NEBL: variants seen among roughly 807,000 people sequenced by gnomAD.
NEBL encodes LIM and SH3 protein 2.
NEBL carries 122 observed loss-of-function variants against 140.2 expected under a neutral mutation model. The ratio of observed to expected loss-of-function variants is 0.87; its 90% CI spans 0.75 to 1.01. NEBL has a LOEUF of 1.01. NEBL is among the 50% of genes least tolerant of loss of function. The pLI is 0.00. For synonymous variants in NEBL, 436 were observed against 398.9 expected, an observed-to-expected ratio of 1.09 and a Z score of -1.11; for missense variants, 1,365 against 1,231.3, an observed-to-expected ratio of 1.11 and a Z score of -1.62.
At position 20,850,452 on chromosome 10, in the gene NEBL, T is replaced by C; in HGVS notation, c.1059A>G (p.Glu353=). Residue 353 remains glutamate, a synonymous_variant, in exon 11 of 28, where the codon GAA becomes GAG. Coordinates refer to ENST00000377122, the MANE Select transcript of NEBL (RefSeq NM_006393.3). The stretch of plus-strand genomic sequence containing the variant: ...CTTGATATGATGGTGTCTCAACAAA[T>C]TCAAGCATTGGCTTTCCCTTATTTT... ...YEKNKGKPML[E]FVETPSYQAS... The C allele has an allele frequency of 6.2e-7, 1 of 1,612,622 alleles. No homozygotes were observed. Among genetic ancestry groups the C allele is most frequent in the Non-Finnish European group, 8.5e-7 (1 of 1,178,688 alleles).
At chr10:20,984,947 T>C (rs1837197782) in intron 3 of NEBL, among the ~76,000 whole-genome samples, 1 of 152,164 alleles carries the variant, frequency 6.6e-6, no homozygotes, top group Admixed American at 6.5e-5. Context: ...GTGTGAAGAA[T>C]CTAGGTTGCT....
intron 1 of NEBL, among the ~76,000 whole-genome samples, chr10:21,286,840 G>GAA (rs1333179464): frequency 4.0e-4 from 52 of 131,514 alleles, no homozygotes; most frequent in African/African-American, 1.4e-3. Flanking sequence ...ATCCATCTCA[G>GAA]AAAAAAAAAA....
At chr10:21,082,508 T>G (rs975742033) in intron 2 of NEBL, among the ~76,000 whole-genome samples, 10 of 145,042 alleles carry the variant, frequency 6.9e-5, no homozygotes, top group African/African-American at 2.4e-4. Context: ...AAATTTTTTG[T>G]AAGTTTGAAG....
At chr10:21,142,945 T>C (rs1025049176) in intron 2 of NEBL, among the ~76,000 whole-genome samples, 30 of 152,200 alleles carry the variant, frequency 2.0e-4, no homozygotes, top group Admixed American at 3.3e-4. Context: ...GGCTGGACTT[T>C]ATAATCTTCA....
At chr10:21,206,380 T>C (rs1841824775) in intron 3 of NEBL, among the ~76,000 whole-genome samples, 1 of 152,238 alleles carries the variant, frequency 6.6e-6, no homozygotes, top group African/African-American at 2.4e-5. Flanking sequence ...ATTTAACATG[T>C]GCTAGTGAAA....
chr10:20,810,499 C>A (rs1292666704), intron 24 of NEBL, among the ~76,000 whole-genome samples: 5 of 152,096 alleles, frequency 3.3e-5, no homozygotes, highest in Non-Finnish European at 7.3e-5. Context: ...ATTAGATACA[C>A]TTATTTAAAA....
At chr10:20,980,274 G>A (rs1836980726) in intron 3 of NEBL, among the ~76,000 whole-genome samples, 1 of 151,702 alleles carries the variant, frequency 6.6e-6, no homozygotes, top group Non-Finnish European at 1.5e-5. Context: ...CAGCTCTGGT[G>A]GTCACAAAGA....
intron 3 of NEBL, among the ~76,000 whole-genome samples, chr10:21,208,367 A>C (rs750573052): frequency 1.2e-4 from 19 of 152,288 alleles, no homozygotes; most frequent in Admixed American, 3.9e-4. Flanking sequence ...AGGGAACTAT[A>C]ATCTTGTAAC....
At chr10:21,263,131 A>G (rs1412435088) in intron 1 of NEBL, among the ~76,000 whole-genome samples, 1 of 152,174 alleles carries the variant, frequency 6.6e-6, no homozygotes, top group Non-Finnish European at 1.5e-5. Context: ...TTGAACACAT[A>G]TTATGTTCTG....
At chr10:20,869,931 A>G (rs1221667350) in intron 5 of NEBL, 90 bp from the exon 6 acceptor site, 9 of 900,348 alleles carry the variant, frequency 1.0e-5, no homozygotes, top group African/African-American at 1.7e-5. Context: ...ATTTATTCTC[A>G]TAATAATAGC....
chr10:20,859,874 C>T (rs1193534252), intron 7 of NEBL, 48 bp from the exon 8 acceptor site: 1 of 896,106 alleles, frequency 1.1e-6, no homozygotes, highest in African/African-American at 1.7e-5. Context: ...TTAAAAGTAA[C>T]ACATATGATT....
chr10:20,943,529 T>C (rs1320465554), intron 4 of NEBL, among the ~76,000 whole-genome samples: 2 of 152,124 alleles, frequency 1.3e-5, no homozygotes, highest in Admixed American at 6.5e-5. Context: ...ACATGGCACA[T>C]GTATACATAT....
chr10:20,971,763 A>G lies in NEBL; in HGVS notation c.250-9984T>C, dbSNP rs369895384. On this transcript the variant is annotated intron_variant, in intron 3 of 6. Transcript: ENST00000417816. ...CTAGTAGCTGGGACTATAGGCGCCC[A>G]CCACCACACCCAGCTAATTTTTTGT... Among the ~76,000 whole-genome samples the G allele has an allele frequency of 4.0e-4, 61 of 151,884 alleles. No homozygotes were observed. In the East Asian group the frequency reaches 9.7e-3, roughly 24 times the overall value.
chr10:21,115,320 T>A (rs1445857165), intron 2 of NEBL, among the ~76,000 whole-genome samples: 1 of 152,086 alleles, frequency 6.6e-6, no homozygotes. Context: ...TTTGTATTTA[T>A]GTTCATATTT....
chr10:21,021,016 T>C (rs1298424982), intron 2 of NEBL, among the ~76,000 whole-genome samples: 2 of 152,074 alleles, frequency 1.3e-5, no homozygotes, highest in African/African-American at 4.8e-5. Context: ...ACACAGCTGT[T>C]CATCACCCCA....
chr10:20,919,423 A>G (rs1218787105), intron 4 of NEBL, among the ~76,000 whole-genome samples: 1 of 152,162 alleles, frequency 6.6e-6, no homozygotes, highest in East Asian at 1.9e-4. Context: ...ATGTTTCTAT[A>G]ATCATGGGAA....
intron 4 of NEBL, among the ~76,000 whole-genome samples, chr10:20,920,964 TA>T (rs1833553858): frequency 1.3e-5 from 2 of 152,264 alleles, no homozygotes; most frequent in East Asian, 3.8e-4. Flanking sequence ...TTGAAAATAT[TA>T]TATTTTTTCT....
chr10:21,238,425 C>T (rs1418385831), intron 3 of NEBL, among the ~76,000 whole-genome samples: 2 of 152,052 alleles, frequency 1.3e-5, no homozygotes, highest in African/African-American at 2.4e-5. Flanking sequence ...TTGGGCCGGG[C>T]CCGGTGGCTC....
rs937463247 is a variant in NEBL at position 20,783,862 on chromosome 10, A to G, written c.*1885T>C. ...AATCACGACTGGCCATTTCAGTGAG[A>G]GAAAACCAGCCAAACCCCCTTAAAA... On this transcript the variant is annotated 3_prime_UTR_variant, in exon 28 of 28. Transcript: ENST00000377122. The G allele has an allele frequency of 1.3e-5, 2 of 152,592 alleles. No homozygotes were observed. The highest frequency in any genetic ancestry group is 2.9e-5 in the Non-Finnish European group (2 of 68,036). The allele number at this position is 152,592 out of a possible 1,614,324, so 9.5% of individuals were successfully genotyped here.
Sources: allele counts gnomAD v4.1 joint callset (sites outside exome capture counted in the v4.1 genomes callset), GRCh38; gene constraint gnomAD v4.1.1; transcripts MANE v1.5; gene names NCBI Gene and HGNC (gene_info 2026-07-23, HGNC 2026-07-21).